Variants in LGSN observed in about 807,000 individuals in gnomAD.
LGSN encodes lengsin.
LGSN carries 21 observed loss-of-function variants against 19.5 expected under a neutral mutation model. That is an observed-to-expected ratio of 1.07 (90% confidence interval 0.76 to 1.55). The LOEUF is 1.55. LGSN is among the 40% of genes most tolerant of loss of function. LGSN has a pLI of 0.00. For synonymous variants in LGSN, 257 were observed against 215.6 expected (o/e 1.19, Z -1.68); for missense variants, 673 against 608.5 (o/e 1.11, Z -1.12).
chr6:63,478,278 A>T, the LGSN span, among the ~76,000 whole-genome samples: 449 of 152,316 alleles, frequency 2.9e-3, 1 homozygote, highest in Middle Eastern at 0.01. Flanking sequence ...AAGCCAAAAA[A>T]TGTTTAAAAT....
chr6:63,447,718 A>G, the LGSN span, among the ~76,000 whole-genome samples: 9 of 152,320 alleles, frequency 5.9e-5, 1 homozygote, highest in South Asian at 1.9e-3. Context: ...TTTGGAAACT[A>G]TAAATATAAT....
At chr6:63,538,933 C>G in the LGSN span, among the ~76,000 whole-genome samples, 2 of 152,128 alleles carry the variant, frequency 1.3e-5, no homozygotes, top group Non-Finnish European at 2.9e-5. Flanking sequence ...CACTCTGTCA[C>G]CCAGGCTGCA....
the LGSN span, among the ~76,000 whole-genome samples, chr6:63,326,629 C>T: frequency 2.6e-4 from 39 of 152,294 alleles, no homozygotes; most frequent in East Asian, 5.4e-3. Flanking sequence ...AGCAAGAAAT[C>T]GAGCACAGCG....
the LGSN span, among the ~76,000 whole-genome samples, chr6:63,430,836 A>G: frequency 1.3e-5 from 2 of 152,184 alleles, no homozygotes; most frequent in Non-Finnish European, 2.9e-5. Context: ...CCACTGCCCG[A>G]GGTCAGACAC....
chr6:63,419,330 G>T, the LGSN span, among the ~76,000 whole-genome samples: 1 of 152,152 alleles, frequency 6.6e-6, no homozygotes, highest in Non-Finnish European at 1.5e-5. Flanking sequence ...AAAATCCAAT[G>T]TGTTGATTTT....
At chr6:63,447,140 A>G in the LGSN span, among the ~76,000 whole-genome samples, 1 of 152,246 alleles carries the variant, frequency 6.6e-6, no homozygotes, top group African/African-American at 2.4e-5. Context: ...TTCGTTTTGG[A>G]AATCTTGCTA....
the LGSN span, among the ~76,000 whole-genome samples, chr6:63,336,557 G>GTA: frequency 0.017 from 2,313 of 135,938 alleles, 102 homozygotes; most frequent in Admixed American, 0.11. Flanking sequence ...GTGTGTGTGT[G>GTA]TGTGTATATA....
chr6:63,527,568 A>T, the LGSN span, among the ~76,000 whole-genome samples: 1 of 152,194 alleles, frequency 6.6e-6, no homozygotes, highest in African/African-American at 2.4e-5. Context: ...TCACTTTTCT[A>T]GATCTGCATG....
the LGSN span, among the ~76,000 whole-genome samples, chr6:63,415,477 G>A: frequency 6.6e-6 from 1 of 152,184 alleles, no homozygotes; most frequent in African/African-American, 2.4e-5. Context: ...TCACAAGGCA[G>A]CAGAAAGGAG....
At chr6:63,378,049 A>G in the LGSN span, among the ~76,000 whole-genome samples, 1 of 151,534 alleles carries the variant, frequency 6.6e-6, no homozygotes, top group Non-Finnish European at 1.5e-5. Flanking sequence ...AAAAAAAAAA[A>G]AAGAAAAAGA....
the LGSN span, among the ~76,000 whole-genome samples, chr6:63,569,183 C>T: frequency 0.016 from 2,456 of 152,268 alleles, 71 homozygotes; most frequent in African/African-American, 0.056. Context: ...CTCTGTTCTT[C>T]TTCATCAAGA....
chr6:63,535,907 G>A, the LGSN span, among the ~76,000 whole-genome samples: 23 of 152,170 alleles, frequency 1.5e-4, no homozygotes, highest in Non-Finnish European at 2.5e-4. Context: ...CGAGTATCTG[G>A]GTTTACAGGC....
the LGSN span, among the ~76,000 whole-genome samples, chr6:63,404,373 C>T: frequency 1.3e-5 from 2 of 152,096 alleles, no homozygotes; most frequent in Non-Finnish European, 2.9e-5. Flanking sequence ...TAGATGGAAT[C>T]TACCAAAAAA....
chr6:63,533,969 G>A, the LGSN span, among the ~76,000 whole-genome samples: 389 of 151,882 alleles, frequency 2.6e-3, 4 homozygotes, highest in Admixed American at 0.021. Context: ...TCAGCCTCCC[G>A]AGTAGCTGGA....
At chr6:63,323,143 G>A (rs824372), upstream of LGSN, among the ~76,000 whole-genome samples, 15,342 of 151,998 alleles carry the variant, frequency 0.1, 1,017 homozygotes, top group African/African-American at 0.19. Flanking sequence ...ATGAAATTCT[G>A]AATTCCAAGG....
chr6:63,293,643 A>G (rs1470933694), intron 2 of LGSN: 1 of 431,260 alleles, frequency 2.3e-6, no homozygotes, highest in Non-Finnish European at 4.6e-6. Flanking sequence ...AGTTTGTTCC[A>G]GAATCCTTAC....
chr6:63,479,544 C>A, the LGSN span, among the ~76,000 whole-genome samples: 1 of 151,934 alleles, frequency 6.6e-6, no homozygotes, highest in Non-Finnish European at 1.5e-5. Flanking sequence ...TCGAGACCAT[C>A]CTGGCCAATA....
intron 1 of LGSN, among the ~76,000 whole-genome samples, chr6:63,318,390 C>T (rs1768948788): frequency 6.6e-6 from 1 of 152,124 alleles, no homozygotes; most frequent in African/African-American, 2.4e-5. Flanking sequence ...CATCTGTTAG[C>T]TGGAAAAGGA....
chr6:63,543,746 G>A, the LGSN span, among the ~76,000 whole-genome samples: 1 of 152,104 alleles, frequency 6.6e-6, no homozygotes, highest in Non-Finnish European at 1.5e-5. Flanking sequence ...TGCCTCCTAA[G>A]TCAAGTGAAA....
Sources: gnomAD v4.1 joint callset for allele counts (sites outside exome capture counted in the v4.1 genomes callset) on GRCh38, gnomAD v4.1.1 for gene constraint, MANE v1.5 for transcripts, NCBI Gene and HGNC (gene_info 2026-07-23, HGNC 2026-07-21) for gene names.